Variants in GPC5 observed in about 807,000 individuals in gnomAD.
GPC5 encodes glypican-5.
In GPC5, 47 loss-of-function variants were observed where a neutral mutation model predicts 53.9. The ratio of observed to expected loss-of-function variants is 0.87; its 90% CI spans 0.69 to 1.11. The LOEUF (loss-of-function observed/expected upper bound fraction) is 1.11. Ranked by LOEUF, GPC5 falls within the 50% of genes most tolerant of loss-of-function variation. The pLI is 0.00. For missense variants in GPC5, 748 were observed against 713.1 expected, an observed-to-expected ratio of 1.05 and a Z score of -0.56; for synonymous variants, 286 against 263.3, an observed-to-expected ratio of 1.09 and a Z score of -0.84.
At chr13:92,668,332 G>A (rs996271004) in intron 7 of GPC5, among the ~76,000 whole-genome samples, 1 of 152,070 alleles carries the variant, frequency 6.6e-6, no homozygotes, top group Admixed American at 6.6e-5. Context: ...ACAGAAATGG[G>A]AAGACTAAAA....
intron 7 of GPC5, among the ~76,000 whole-genome samples, chr13:92,802,930 C>T (rs995996497): frequency 6.6e-6 from 1 of 151,914 alleles, no homozygotes; most frequent in Non-Finnish European, 1.5e-5. Flanking sequence ...GCTTTCATGT[C>T]CACGTGACAA....
At chr13:91,823,403 A>G (rs2038526869) in intron 5 of GPC5, among the ~76,000 whole-genome samples, 1 of 152,092 alleles carries the variant, frequency 6.6e-6, no homozygotes, top group African/African-American at 2.4e-5. Flanking sequence ...ACAGATGTGA[A>G]ATATGGATCA....
intron 6 of GPC5, among the ~76,000 whole-genome samples, chr13:91,956,361 A>G (rs2040073783): frequency 1.3e-5 from 2 of 151,902 alleles, no homozygotes; most frequent in Admixed American, 6.5e-5. Context: ...AGCCCATTGC[A>G]GCTCCCATCA....
chr13:91,887,314 C>G (rs924097074), intron 5 of GPC5, among the ~76,000 whole-genome samples: 1 of 152,154 alleles, frequency 6.6e-6, no homozygotes, highest in Non-Finnish European at 1.5e-5. Context: ...AGGCTGCACA[C>G]AGCAGGGGCA....
rs369039474 is a variant in GPC5 at position 91,399,193 on chromosome 13, G to T, written c.147G>T (p.Pro49=). The change falls in exon 1 of 8, where the codon CCG becomes CCT. Residue 49 remains proline (P), a synonymous_variant. Coordinates refer to ENST00000377067, the MANE Select transcript of GPC5 (RefSeq NM_004466.6). ...WRLLGAVRGL[P]DSPRAGPDLQ... ...TGCTGGGAGCTGTCAGGGGGCTGCC[G>T]GATTCGCCGCGGGCAGGTAAGGGGC... The T allele has an allele frequency of 4.2e-5, 67 of 1,612,152 alleles. No individual in the cohort carries two copies. In the Middle Eastern group the frequency reaches 9.9e-4, roughly 24 times the overall value.
At chr13:91,852,130 T>C (rs1001127908) in intron 5 of GPC5, among the ~76,000 whole-genome samples, 2 of 152,094 alleles carry the variant, frequency 1.3e-5, no homozygotes, top group Admixed American at 6.6e-5. Context: ...GTTAAAAAAT[T>C]AACCTTAGCT....
intron 5 of GPC5, among the ~76,000 whole-genome samples, chr13:91,779,879 T>G (rs1359372212): frequency 6.6e-6 from 1 of 152,140 alleles, no homozygotes; most frequent in South Asian, 2.1e-4. Flanking sequence ...TGAGGTGGTT[T>G]TATAGTTAAC....
At chr13:92,235,184 C>G (rs1162683246) in intron 7 of GPC5, among the ~76,000 whole-genome samples, 2 of 152,090 alleles carry the variant, frequency 1.3e-5, no homozygotes, top group Non-Finnish European at 2.9e-5. Context: ...ACTCCAGGAT[C>G]TCTATTTCTG....
At chr13:92,359,484 C>T (rs941111387) in intron 7 of GPC5, among the ~76,000 whole-genome samples, 10 of 151,690 alleles carry the variant, frequency 6.6e-5, no homozygotes, top group Non-Finnish European at 1.5e-4. Context: ...CGTGCATCCA[C>T]ATTTTCAGAT....
intron 2 of GPC5, among the ~76,000 whole-genome samples, chr13:91,613,020 A>G (rs1397733064): frequency 6.6e-6 from 1 of 152,170 alleles, no homozygotes; most frequent in Non-Finnish European, 1.5e-5. Context: ...TAAAAGGGGA[A>G]CTTTGGGCAA....
intron 4 of GPC5, among the ~76,000 whole-genome samples, chr13:91,735,908 A>T (rs572804931): frequency 6.6e-6 from 1 of 151,530 alleles, no homozygotes; most frequent in African/African-American, 2.4e-5. Context: ...GAAAAATGGA[A>T]AAGTAAAATA....
chr13:91,517,408 A>G (rs1191851459), intron 2 of GPC5, among the ~76,000 whole-genome samples: 8 of 152,198 alleles, frequency 5.3e-5, no homozygotes, highest in African/African-American at 9.6e-5. Context: ...TTGCTAAAAC[A>G]TAACAAGAAT....
chr13:91,538,922 A>G (rs1886722793), intron 2 of GPC5, among the ~76,000 whole-genome samples: 1 of 151,274 alleles, frequency 6.6e-6, no homozygotes, highest in Non-Finnish European at 1.5e-5. Flanking sequence ...GTAGAGTTGT[A>G]ATTTATTTTT....
At chr13:92,477,567 A>C (rs1048921131) in intron 7 of GPC5, among the ~76,000 whole-genome samples, 1 of 152,320 alleles carries the variant, frequency 6.6e-6, no homozygotes, top group South Asian at 2.1e-4. Flanking sequence ...TTGATAACAT[A>C]AAACCGGGGC....
At chr13:92,757,914 G>T (rs907531076) in intron 7 of GPC5, among the ~76,000 whole-genome samples, 24 of 151,604 alleles carry the variant, frequency 1.6e-4, no homozygotes, top group African/African-American at 5.6e-4. Flanking sequence ...CATTGTGGAA[G>T]TCAGTGTGGC....
intron 7 of GPC5, among the ~76,000 whole-genome samples, chr13:92,806,768 G>A (rs1877115941): frequency 6.6e-6 from 1 of 151,922 alleles, no homozygotes; most frequent in African/African-American, 2.4e-5. Context: ...TGCAGTTCAT[G>A]GTGCTCTAAA....
intron 6 of GPC5, among the ~76,000 whole-genome samples, chr13:92,008,023 T>G (rs977514219): frequency 5.9e-5 from 9 of 151,958 alleles, no homozygotes; most frequent in Non-Finnish European, 1.0e-4. Context: ...CTTGGAACAG[T>G]ACATGACTTA....
chr13:92,550,085 A>T (rs1674543548), intron 7 of GPC5, among the ~76,000 whole-genome samples: 1 of 151,808 alleles, frequency 6.6e-6, no homozygotes, highest in Non-Finnish European at 1.5e-5. Flanking sequence ...CAGGGTTTTG[A>T]TTTTAAGTGT....
At chr13:91,965,878 A>G (rs1482066814) in intron 6 of GPC5, among the ~76,000 whole-genome samples, 1 of 152,186 alleles carries the variant, frequency 6.6e-6, no homozygotes, top group Non-Finnish European at 1.5e-5. Context: ...TTTAAACTGA[A>G]TAAGTCCATT....
Sources: gnomAD v4.1 joint callset for allele counts (sites outside exome capture counted in the v4.1 genomes callset) on GRCh38, gnomAD v4.1.1 for gene constraint, MANE v1.5 for transcripts, NCBI Gene and HGNC (gene_info 2026-07-23, HGNC 2026-07-21) for gene names.